The following ZNF727 variants were observed in gnomAD, a reference collection of about 807,000 sequenced individuals.
ZNF727 encodes putative zinc finger protein 727.
ZNF727 carries 11 observed loss-of-function variants against 11.5 expected under a neutral mutation model. That is an observed-to-expected ratio of 0.95 (90% CI 0.60 to 1.58). The LOEUF (loss-of-function observed/expected upper bound fraction) is 1.58, where lower values mean the gene tolerates loss of function less well. Among genes scored for constraint, ZNF727 ranks in the 40% most tolerant of loss-of-function variants. ZNF727 has a pLI of 0.00. For missense variants in ZNF727, 533 were observed against 581.7 expected, an observed-to-expected ratio of 0.92 and a Z score of 0.86; for synonymous variants, 171 against 196.1, an observed-to-expected ratio of 0.87 and a Z score of 1.07.
intron 1 of ZNF727, among the ~76,000 whole-genome samples, chr7:64,046,274 G>GC (rs754640259): frequency 6.6e-6 from 1 of 151,990 alleles, no homozygotes; most frequent in Non-Finnish European, 1.5e-5. Context: ...CAGGTGATCC[G>GC]CCCCCCTCGG....
At chr7:64,049,821 C>T (rs1421727052) in intron 1 of ZNF727, among the ~76,000 whole-genome samples, 1 of 151,376 alleles carries the variant, frequency 6.6e-6, no homozygotes, top group African/African-American at 2.4e-5. Context: ...TAGCAACAAT[C>T]TAAGATTATA....
chr7:64,058,230 A>G (rs141365583), intron 1 of ZNF727, among the ~76,000 whole-genome samples: 1,920 of 152,234 alleles, frequency 0.013, 52 homozygotes, highest in African/African-American at 0.042. Context: ...AGACTGTCAC[A>G]CTGTAAATTG....
At chr7:64,069,750 T>C in intron 3 of ZNF727, 141 bp downstream of exon 3, 1 of 699,298 alleles carries the variant, frequency 1.4e-6, no homozygotes. Context: ...TCTCTTGCTT[T>C]AACATAGGGG....
At chr7:64,058,642 A>G (rs907412854) in intron 1 of ZNF727, among the ~76,000 whole-genome samples, 3 of 152,172 alleles carry the variant, frequency 2.0e-5, no homozygotes, top group Admixed American at 2.0e-4. Context: ...TAGTCTTTCT[A>G]CTAACTCTGG....
intron 1 of ZNF727, among the ~76,000 whole-genome samples, chr7:64,053,401 A>G (rs996375420): frequency 6.6e-6 from 1 of 152,090 alleles, no homozygotes; most frequent in East Asian, 1.9e-4. Flanking sequence ...GCTCACTGCA[A>G]TCTCCGCCTC....
rs1472886066 is a variant in ZNF727, at chr7:64,084,680, C to CT, written c.*6137dup. Among the ~76,000 whole-genome samples the CT allele has an allele frequency of 6.6e-6, 1 of 152,128 alleles. No individual in the cohort carries two copies. The highest frequency in any genetic ancestry group is 1.5e-5 in the Non-Finnish European group (1 of 67,986). ...CAACTATTTACAAAATTTTATCCTA[C>CT]TTTTTTCTGTTGAAAATATGACTTC... is the stretch of plus-strand genomic sequence containing the variant. On this transcript the variant is annotated 3_prime_UTR_variant, in exon 4 of 4. Transcript: ENST00000456806.
chr7:64,083,489 G>C lies in ZNF727; in HGVS notation c.*4940G>C, dbSNP rs773626767. 6.6e-6 allele frequency among the ~76,000 whole-genome samples: 1 copy of C among 152,198 alleles called. No homozygotes were observed. Among genetic ancestry groups the C allele is most frequent in the African/African-American group, 2.4e-5 (1 of 41,440 alleles). ...TGTACAAGGTTATAACCTCCTGTTT[G>C]CTGAGTTGCAGCTACTTTTTCTGGG... is the stretch of plus-strand genomic sequence containing the variant. On this transcript the variant is annotated 3_prime_UTR_variant, in exon 4 of 4. Coordinates refer to ENST00000456806, the MANE Select transcript of ZNF727 (RefSeq NM_001159522.3).
rs1324454049 is a variant in ZNF727, at chr7:64,055,687, T to C, written c.3+10063T>C. On this transcript the variant is annotated intron_variant, in intron 1 of 3. Transcript: ENST00000456806. ...TAATGTCCTCAAGGTTCAGCATGTGTCAAATTTATTTTCCCCTTTAAGGGT... is the reference window on the plus strand; with the variant it reads ...TAATGTCCTCAAGGTTCAGCATGTGCCAAATTTATTTTCCCCTTTAAGGGT... Among the ~76,000 whole-genome samples, 3 of 152,354 alleles carry C rather than the reference T, an allele frequency of 2.0e-5. No homozygotes were observed. In the East Asian group the frequency reaches 5.8e-4, roughly 29 times the overall value.
At chr7:64,061,445 GT>G (rs141990407) in intron 1 of ZNF727, among the ~76,000 whole-genome samples, 8 of 148,048 alleles carry the variant, frequency 5.4e-5, no homozygotes, top group South Asian at 4.3e-4. Flanking sequence ...TCTTTTTATA[GT>G]TTTTTTTTTC....
rs1259919462 is a variant in ZNF727, at chr7:64,084,196, A to G, written c.*5647A>G. On this transcript the variant is annotated 3_prime_UTR_variant, in exon 4 of 4. Transcript: ENST00000456806. Reference sequence around the variant, plus strand: ...ACAGCATTATAAGTGACAGGGTGATAGAAGTGTGGTAAGTGATTAGGATAA... The same window carrying G: ...ACAGCATTATAAGTGACAGGGTGATGGAAGTGTGGTAAGTGATTAGGATAA... Among the ~76,000 whole-genome samples, 3 of 152,212 alleles carry G rather than the reference A, an allele frequency of 2.0e-5. No individual in the cohort carries two copies. In the East Asian group the frequency reaches 5.8e-4, roughly 29 times the overall value.
At chr7:64,049,792 G>A (rs1789562841) in intron 1 of ZNF727, among the ~76,000 whole-genome samples, 4 of 151,230 alleles carry the variant, frequency 2.6e-5, no homozygotes, top group Admixed American at 2.6e-4. Flanking sequence ...TTAATGAATA[G>A]CCATTATTTA....
intron 1 of ZNF727, among the ~76,000 whole-genome samples, chr7:64,065,643 CAG>C (rs1217046092): frequency 5.3e-5 from 8 of 152,176 alleles, no homozygotes; most frequent in Admixed American, 5.2e-4. Flanking sequence ...TGTCTGAAGT[CAG>C]AGACTGTGTC....
At chr7:64,076,643 A>G (rs1562797997) in intron 3 of ZNF727, among the ~76,000 whole-genome samples, 1 of 152,152 alleles carries the variant, frequency 6.6e-6, no homozygotes, top group Non-Finnish European at 1.5e-5. Context: ...GTCTCTTCTG[A>G]GAATGTGCCA....
At chr7:64,070,048 A>G (rs886416577) in intron 3 of ZNF727, among the ~76,000 whole-genome samples, 5 of 151,920 alleles carry the variant, frequency 3.3e-5, no homozygotes, top group African/African-American at 1.2e-4. Context: ...TGCAATTTGG[A>G]TCAGAAATCC....
Position 64,079,869 on chromosome 7 carries a change from A to C in ZNF727, c.*1320A>C, listed in dbSNP as rs543493225. On this transcript the variant is annotated 3_prime_UTR_variant, in exon 4 of 4. Transcript: ENST00000456806. Reference sequence around the variant, plus strand: ...AGGTCTTGTGGTAACAGATTTCCTCAGCATTTGCTTATCTGAATACGATCA... The same window carrying C: ...AGGTCTTGTGGTAACAGATTTCCTCCGCATTTGCTTATCTGAATACGATCA... Among the ~76,000 whole-genome samples, 15 of 152,196 alleles carry C rather than the reference A, an allele frequency of 9.9e-5. No homozygotes were observed. The highest frequency in any genetic ancestry group is 2.2e-4 in the Non-Finnish European group (15 of 68,032).
chr7:64,056,412 A>C (rs1789687314), intron 1 of ZNF727, among the ~76,000 whole-genome samples: 1 of 152,174 alleles, frequency 6.6e-6, no homozygotes, highest in African/African-American at 2.4e-5. Flanking sequence ...GTGACAAAAG[A>C]CATCTAATAG....
chr7:64,066,922 C>G (rs1176955512), intron 1 of ZNF727, among the ~76,000 whole-genome samples: 1 of 152,016 alleles, frequency 6.6e-6, no homozygotes, highest in East Asian at 1.9e-4. Context: ...GGGCTAATAT[C>G]CAGAATCTAT....
At chr7:64,064,750 C>G (rs1238497586) in intron 1 of ZNF727, among the ~76,000 whole-genome samples, 1 of 152,174 alleles carries the variant, frequency 6.6e-6, no homozygotes, top group Admixed American at 6.5e-5. Flanking sequence ...CACTTCCTCT[C>G]TGACTACGGC....
chr7:64,074,309 C>T (rs1790007856), intron 3 of ZNF727, among the ~76,000 whole-genome samples: 1 of 152,146 alleles, frequency 6.6e-6, no homozygotes, highest in Non-Finnish European at 1.5e-5. Flanking sequence ...TTGATGCATA[C>T]TTATTAGGCT....
Sources: gnomAD v4.1 joint callset for allele counts (sites outside exome capture counted in the v4.1 genomes callset) on GRCh38, gnomAD v4.1.1 for gene constraint, MANE v1.5 for transcripts, NCBI Gene and HGNC (gene_info 2026-07-23, HGNC 2026-07-21) for gene names.